The following REDIC1 variants were observed in gnomAD, a reference collection of about 807,000 sequenced individuals.
REDIC1 encodes the protein regulator of DNA class I crossover intermediates 1.
the REDIC1 span, among the ~76,000 whole-genome samples, chr12:39,743,921 G>C: frequency 6.6e-6 from 1 of 152,168 alleles, no homozygotes; most frequent in Non-Finnish European, 1.5e-5. Flanking sequence ...AGAAGAAATA[G>C]CTGAAGCAAT....
chr12:39,773,623 C>G, the REDIC1 span, among the ~76,000 whole-genome samples: 2 of 152,150 alleles, frequency 1.3e-5, no homozygotes, highest in South Asian at 4.1e-4. Flanking sequence ...GCTAGTTAGC[C>G]ATAAGTAGTA....
At chr12:39,667,001 T>C in the REDIC1 span, among the ~76,000 whole-genome samples, 1 of 150,654 alleles carries the variant, frequency 6.6e-6, no homozygotes, top group East Asian at 1.9e-4. Context: ...GTTTTGTTGA[T>C]CTTTTCAAAA....
chr12:39,679,686 G>GCA, the REDIC1 span, among the ~76,000 whole-genome samples: 1 of 151,862 alleles, frequency 6.6e-6, no homozygotes, highest in African/African-American at 2.4e-5. Flanking sequence ...AGAGCCAAAG[G>GCA]AAGACTAAGC....
At chr12:39,668,561 C>T in the REDIC1 span, among the ~76,000 whole-genome samples, 543 of 152,144 alleles carry the variant, frequency 3.6e-3, 2 homozygotes, top group African/African-American at 0.013. Flanking sequence ...TTGCTCTTCT[C>T]GAGGAGTATC....
chr12:39,896,412 G>GCA, the REDIC1 span, among the ~76,000 whole-genome samples: 6 of 132,356 alleles, frequency 4.5e-5, no homozygotes, highest in African/African-American at 1.6e-4. Flanking sequence ...ATACATATAT[G>GCA]TATGTATATG....
At chr12:39,796,620 C>T in the REDIC1 span, among the ~76,000 whole-genome samples, 9 of 152,132 alleles carry the variant, frequency 5.9e-5, no homozygotes, top group Admixed American at 3.3e-4. Flanking sequence ...ACCCTAGTCA[C>T]TACTGAAAAA....
chr12:39,667,183 TG>T, the REDIC1 span, among the ~76,000 whole-genome samples: 1 of 152,250 alleles, frequency 6.6e-6, no homozygotes, highest in Non-Finnish European at 1.5e-5. Flanking sequence ...AGATCTTTCC[TG>T]CTTTCTCTTG....
At chr12:39,899,405 A>C in the REDIC1 span, among the ~76,000 whole-genome samples, 1 of 151,892 alleles carries the variant, frequency 6.6e-6, no homozygotes, top group Non-Finnish European at 1.5e-5. Context: ...CGGTCTATCA[A>C]TTTTGCTGAT....
the REDIC1 span, among the ~76,000 whole-genome samples, chr12:39,668,251 G>A: frequency 6.6e-6 from 1 of 151,872 alleles, no homozygotes; most frequent in Non-Finnish European, 1.5e-5. Flanking sequence ...AGCTCTTTTA[G>A]GGCAGGCCTG....
the REDIC1 span, among the ~76,000 whole-genome samples, chr12:39,653,600 C>G: frequency 1.2e-5 from 1 of 83,976 alleles, no homozygotes; most frequent in Non-Finnish European, 2.8e-5. Context: ...TCCTCTTCTT[C>G]TTCTTTTTTT....
chr12:39,784,453 T>C, the REDIC1 span, among the ~76,000 whole-genome samples: 1 of 152,298 alleles, frequency 6.6e-6, no homozygotes, highest in Non-Finnish European at 1.5e-5. Context: ...TTGACAAACC[T>C]GACGAAAGCA....
the REDIC1 span, among the ~76,000 whole-genome samples, chr12:39,872,357 A>G: frequency 4.6e-5 from 7 of 152,232 alleles, no homozygotes; most frequent in African/African-American, 1.7e-4. Flanking sequence ...TTCACTGTGA[A>G]TTAATGTCCT....
chr12:39,712,998 TATATGTATATATACATGTGTATATACGTG>T, the REDIC1 span, among the ~76,000 whole-genome samples: 51 of 142,640 alleles, frequency 3.6e-4, 1 homozygote, highest in African/African-American at 1.3e-3. Flanking sequence ...TATATACGTG[TATATGTATATATACATGTGTATATACGTG>T]TATATGTATA....
the REDIC1 span, among the ~76,000 whole-genome samples, chr12:39,819,274 AT>A: frequency 6.6e-6 from 1 of 152,168 alleles, no homozygotes; most frequent in Non-Finnish European, 1.5e-5. Context: ...GTTTACAAAT[AT>A]TTTTATCGTT....
chr12:39,755,828 G>T, the REDIC1 span: 1 of 151,924 alleles, frequency 6.6e-6, no homozygotes, highest in African/African-American at 2.4e-5. Context: ...AAATTATATT[G>T]TTTTAGCTCA....
chr12:39,841,915 G>A, the REDIC1 span, among the ~76,000 whole-genome samples: 5 of 152,048 alleles, frequency 3.3e-5, no homozygotes, highest in Admixed American at 1.3e-4. Flanking sequence ...ATTTTATCAT[G>A]AGCCTTATTG....
chr12:39,703,428 T>C, the REDIC1 span, among the ~76,000 whole-genome samples: 10 of 148,862 alleles, frequency 6.7e-5, no homozygotes, highest in Non-Finnish European at 1.2e-4. Flanking sequence ...CTCAAGGAAA[T>C]AAAAGAGGAT....
At chr12:39,711,785 ATG>A in the REDIC1 span, among the ~76,000 whole-genome samples, 755 of 119,082 alleles carry the variant, frequency 6.3e-3, 9 homozygotes, top group African/African-American at 0.02. Context: ...ATGCATGTGT[ATG>A]TGTGTGTACA....
chr12:39,632,505 T>C, the REDIC1 span, among the ~76,000 whole-genome samples: 2 of 152,160 alleles, frequency 1.3e-5, no homozygotes, highest in Non-Finnish European at 2.9e-5. Context: ...AATGTGTATA[T>C]ATTTATATAC....
Sources: gnomAD v4.1 joint callset for allele counts (sites outside exome capture counted in the v4.1 genomes callset) on GRCh38, gnomAD v4.1.1 for gene constraint, MANE v1.5 for transcripts, NCBI Gene and HGNC (gene_info 2026-07-23, HGNC 2026-07-21) for gene names.